The following DPYD variants were observed in gnomAD, a reference collection of about 807,000 sequenced individuals.
DPYD encodes dihydropyrimidine dehydrogenase [NADP(+)].
In DPYD, 109 loss-of-function variants were observed where a neutral mutation model predicts 116.2. The ratio of observed to expected loss-of-function variants is 0.94; its 90% CI spans 0.80 to 1.10. The LOEUF is 1.10. Ranked by LOEUF, DPYD falls within the 50% of genes least tolerant of loss-of-function variation. The pLI, the probability that DPYD is intolerant of heterozygous loss-of-function variation, is 0.00. For synonymous variants in DPYD, 440 were observed against 432.0 expected, an observed-to-expected ratio of 1.02 and a Z score of -0.23; for missense variants, 1,302 against 1,254.5, an observed-to-expected ratio of 1.04 and a Z score of -0.57.
intron 14 of DPYD, among the ~76,000 whole-genome samples, chr1:97,425,922 A>G (rs913885483): frequency 6.6e-6 from 1 of 151,758 alleles, no homozygotes; most frequent in Non-Finnish European, 1.5e-5. Flanking sequence ...CTTTAAAACT[A>G]TAATCAAAGA....
chr1:97,454,825 A>T (rs779183628), intron 13 of DPYD, among the ~76,000 whole-genome samples: 1 of 151,940 alleles, frequency 6.6e-6, no homozygotes, highest in Non-Finnish European at 1.5e-5. Context: ...ATGAACACAA[A>T]AAGAAAACTT....
chr1:97,317,475 T>C (rs948638649), intron 16 of DPYD, among the ~76,000 whole-genome samples: 3 of 152,014 alleles, frequency 2.0e-5, no homozygotes, highest in African/African-American at 2.4e-5. Context: ...TATGTAAATG[T>C]ATAATAAGGA....
intron 8 of DPYD, among the ~76,000 whole-genome samples, chr1:97,644,955 T>G (rs1658170961): frequency 6.6e-6 from 1 of 152,156 alleles, no homozygotes; most frequent in Non-Finnish European, 1.5e-5. Flanking sequence ...ATTTTACTTT[T>G]TTATGCAAAT....
intron 2 of DPYD, among the ~76,000 whole-genome samples, chr1:97,859,396 C>G (rs1448842081): frequency 6.6e-6 from 1 of 152,164 alleles, no homozygotes; most frequent in Non-Finnish European, 1.5e-5. Flanking sequence ...ACATCTGAAC[C>G]TGGCCCCTCA....
intron 4 of DPYD, among the ~76,000 whole-genome samples, chr1:97,725,562 T>G (rs917709191): frequency 3.3e-5 from 5 of 151,592 alleles, no homozygotes; most frequent in Non-Finnish European, 5.9e-5. Flanking sequence ...AAAGCTAACA[T>G]AATCAAGATA....
At chr1:97,525,978 AGTGTGTGTGTGTGTGT>A (rs71071658) in intron 12 of DPYD, among the ~76,000 whole-genome samples, 3 of 138,118 alleles carry the variant, frequency 2.2e-5, no homozygotes, top group Non-Finnish European at 4.6e-5. Flanking sequence ...GGTAATTAAG[AGTGTGTGTGTGTGTGT>A]GTGTGTGTGT....
intron 19 of DPYD, among the ~76,000 whole-genome samples, chr1:97,197,645 G>A (rs1658907832): frequency 6.6e-6 from 1 of 152,196 alleles, no homozygotes; most frequent in Admixed American, 6.5e-5. Flanking sequence ...CAGACAAGGA[G>A]TGGAGTGATC....
At chr1:97,513,411 A>G (rs962876029) in intron 13 of DPYD, among the ~76,000 whole-genome samples, 4 of 151,710 alleles carry the variant, frequency 2.6e-5, no homozygotes, top group African/African-American at 9.7e-5. Flanking sequence ...CTTGGTAAGC[A>G]TTTAATTTCT....
At chr1:97,824,519 C>T (rs1262829309) in intron 3 of DPYD, among the ~76,000 whole-genome samples, 1 of 152,126 alleles carries the variant, frequency 6.6e-6, no homozygotes, top group Non-Finnish European at 1.5e-5. Flanking sequence ...TTCAGTTACA[C>T]TCATCGCATT....
chr1:97,514,710 A>C (rs1304045396), intron 13 of DPYD, among the ~76,000 whole-genome samples: 2 of 151,572 alleles, frequency 1.3e-5, no homozygotes, highest in African/African-American at 4.8e-5. Flanking sequence ...TTTTTCCTGC[A>C]CTGTTTTTTT....
intron 16 of DPYD, among the ~76,000 whole-genome samples, chr1:97,334,041 G>A (rs141904316): frequency 1.3e-5 from 2 of 152,216 alleles, no homozygotes; most frequent in African/African-American, 2.4e-5. Context: ...CTCATTAGGG[G>A]TCTACAGGGA....
intron 16 of DPYD, among the ~76,000 whole-genome samples, chr1:97,360,596 C>A (rs1670669960): frequency 1.3e-5 from 2 of 152,034 alleles, no homozygotes; most frequent in Non-Finnish European, 2.9e-5. Flanking sequence ...GAAATCACAA[C>A]AAACTGTCTC....
intron 18 of DPYD, among the ~76,000 whole-genome samples, chr1:97,264,243 G>A (rs1164031748): frequency 7.9e-6 from 1 of 126,056 alleles, no homozygotes; most frequent in African/African-American, 3.0e-5. Context: ...ACTCATTGCA[G>A]CCTCAAATTC....
At chr1:97,311,714 T>C (rs1667530383) in intron 16 of DPYD, among the ~76,000 whole-genome samples, 1 of 151,172 alleles carries the variant, frequency 6.6e-6, no homozygotes, top group East Asian at 2.0e-4. Context: ...CCATCAAGAG[T>C]AAAATGAAAA....
rs562045996 is a variant in DPYD at position 97,641,047 on chromosome 1, G to A, written c.850+38048C>T. Among the ~76,000 whole-genome samples the A allele has an allele frequency of 8.9e-4, 136 of 152,276 alleles. No individual in the cohort carries two copies. In the Middle Eastern group the frequency reaches 0.027, roughly 30 times the overall value. ...CATAGGCTCCCAGTTTTTCTTAGAT[G>A]AAGGATATGACTACCTGTCTGGCAC... On this transcript the variant is annotated intron_variant, in intron 8 of 22. Transcript: ENST00000370192.
chr1:97,807,893 A>T (rs1668151004), intron 3 of DPYD, among the ~76,000 whole-genome samples: 1 of 151,958 alleles, frequency 6.6e-6, no homozygotes, highest in Non-Finnish European at 1.5e-5. Context: ...TCATTTATCG[A>T]TTGAAATGCC....
intron 1 of DPYD, among the ~76,000 whole-genome samples, chr1:97,917,717 A>G (rs950675958): frequency 6.6e-6 from 1 of 152,166 alleles, no homozygotes; most frequent in Non-Finnish European, 1.5e-5. Flanking sequence ...ACAGATAGCA[A>G]CTTGGTTTGG....
chr1:97,635,963 G>A (rs1355121869), intron 8 of DPYD, among the ~76,000 whole-genome samples: 1 of 152,014 alleles, frequency 6.6e-6, no homozygotes, highest in African/African-American at 2.4e-5. Context: ...GGGACTATAG[G>A]CATGCATCAC....
intron 12 of DPYD, 147 bp from the exon 13 acceptor site, chr1:97,516,088 G>A: frequency 2.6e-6 from 2 of 779,816 alleles, no homozygotes; most frequent in African/African-American, 1.7e-5. Context: ...CAAAAAGTCA[G>A]TGAGCAGTGA....
Sources: allele counts gnomAD v4.1 joint callset (sites outside exome capture counted in the v4.1 genomes callset), GRCh38; gene constraint gnomAD v4.1.1; transcripts MANE v1.5; gene names NCBI Gene and HGNC (gene_info 2026-07-23, HGNC 2026-07-21).